Variants in NR2C1 observed in about 807,000 individuals in gnomAD.
NR2C1 encodes nuclear receptor subfamily 2 group C member 1.
A neutral mutation model predicts 74.8 loss-of-function variants in NR2C1; 33 were observed. The ratio of observed to expected loss-of-function variants is 0.44; its 90% confidence interval spans 0.33 to 0.59. NR2C1 has a LOEUF of 0.59. Among genes scored for constraint, NR2C1 ranks in the 20% least tolerant of loss-of-function variants. The probability of loss-of-function intolerance (pLI) is 0.02; values close to 1 mark genes in which losing one functional copy is unlikely to be tolerated. For synonymous variants in NR2C1, 225 were observed against 240.6 expected (o/e 0.94, Z 0.60); for missense variants, 568 against 715.6 (o/e 0.79, Z 2.35).
intron 10 of NR2C1, among the ~76,000 whole-genome samples, chr12:95,038,927 A>C (rs570817259): frequency 9.0e-4 from 137 of 152,304 alleles, no homozygotes; most frequent in African/African-American, 3.1e-3. Context: ...ATGCAAATTT[A>C]CATTTTATTT....
intron 12 of NR2C1, among the ~76,000 whole-genome samples, chr12:95,027,565 G>T (rs897853109): frequency 4.6e-5 from 7 of 151,982 alleles, no homozygotes; most frequent in Admixed American, 4.6e-4. Context: ...AGTGAAACTT[G>T]TCTCTACTAA....
rs981355820 is a variant in NR2C1 at position 95,028,381 on chromosome 12, A to G, written c.1531+6T>C. Reference sequence around the variant, plus strand: ...TATTTTGAATAAAAAGTAAATGTTTATATACCTGGACTGAAGAGTACTATT... The same window carrying G: ...TATTTTGAATAAAAAGTAAATGTTTGTATACCTGGACTGAAGAGTACTATT... On this transcript the variant is annotated splice_donor_region_variant and intron_variant, in intron 12 of 13. Transcript: ENST00000333003. The G allele has an allele frequency of 1.2e-6, 2 of 1,604,726 alleles. No individual in the cohort carries two copies. The highest frequency in any genetic ancestry group is 3.4e-5 in the Admixed American group (2 of 58,878).
intron 9 of NR2C1, among the ~76,000 whole-genome samples, chr12:95,043,689 C>CAAAAAAAAAAAAAAAAAAAAAA (rs34229669): frequency 6.4e-5 from 6 of 94,278 alleles, no homozygotes; most frequent in Non-Finnish European, 1.1e-4. Flanking sequence ...GACTCTGTCT[C>CAAAAAAAAAAAAAAAAAAAAAA]AAAAAAAAAA....
intron 9 of NR2C1, among the ~76,000 whole-genome samples, chr12:95,042,163 A>C (rs916462960): frequency 2.0e-5 from 3 of 151,820 alleles, no homozygotes; most frequent in Non-Finnish European, 2.9e-5. Flanking sequence ...AGATGTGTCC[A>C]TATGTATTTT....
intron 10 of NR2C1, among the ~76,000 whole-genome samples, chr12:95,038,222 A>G (rs1255344050): frequency 2.0e-5 from 3 of 152,156 alleles, no homozygotes; most frequent in Non-Finnish European, 4.4e-5. Flanking sequence ...CTGAGGCCTT[A>G]TTTTTGGTTT....
intron 7 of NR2C1, among the ~76,000 whole-genome samples, chr12:95,056,895 C>A (rs1253868494): frequency 6.7e-6 from 1 of 148,404 alleles, no homozygotes; most frequent in Non-Finnish European, 1.5e-5. Context: ...GGAAGCGGAG[C>A]TTGCAGTGAG....
At chr12:95,054,153 A>G (rs1873484760) in intron 7 of NR2C1, among the ~76,000 whole-genome samples, 1 of 152,238 alleles carries the variant, frequency 6.6e-6, no homozygotes, top group African/African-American at 2.4e-5. Flanking sequence ...CCTACCAGTT[A>G]TCATGTTCTT....
intron 4 of NR2C1, 82 bp from the exon 5 acceptor site, chr12:95,058,571 A>G (rs1349358743): frequency 2.8e-6 from 3 of 1,082,034 alleles, no homozygotes; most frequent in African/African-American, 1.6e-5. Context: ...TTCCCTTTAA[A>G]CAACATATAA....
At chr12:95,031,241 C>T in intron 11 of NR2C1, 108 bp downstream of exon 11, 1 of 921,778 alleles carries the variant, frequency 1.1e-6, no homozygotes. Flanking sequence ...GCATTGGTAC[C>T]TAAAACACTA....
At chr12:95,031,066 C>A (rs747737246) in intron 11 of NR2C1, among the ~76,000 whole-genome samples, 1 of 152,146 alleles carries the variant, frequency 6.6e-6, no homozygotes, top group Non-Finnish European at 1.5e-5. Context: ...TACATAAGCT[C>A]ACCCTGGATT....
intron 2 of NR2C1, among the ~76,000 whole-genome samples, chr12:95,063,880 T>C (rs536229969): frequency 6.6e-6 from 1 of 150,982 alleles, no homozygotes; most frequent in African/African-American, 2.4e-5. Flanking sequence ...AATATAAAAA[T>C]TAGCTGGGCA....
chr12:95,024,424 C>A (rs546463540), intron 13 of NR2C1, among the ~76,000 whole-genome samples: 42 of 152,298 alleles, frequency 2.8e-4, no homozygotes, highest in African/African-American at 9.9e-4. Flanking sequence ...AATCCAGGTA[C>A]TCTGGCTCTA....
chr12:95,057,882 C>CA lies in NR2C1; in HGVS notation c.545-5dup. ...GGTTTTCTTTCACATTGGACAGCTACAAAAATGTGTTAAACTATTATATCA... is the reference window on the plus strand; with the variant it reads ...GGTTTTCTTTCACATTGGACAGCTACAAAAAATGTGTTAAACTATTATATCA... On this transcript the variant is annotated splice_region_variant and splice_polypyrimidine_tract_variant and intron_variant, in intron 5 of 13. Transcript: ENST00000333003. The CA allele has an allele frequency of 2.5e-6, 4 of 1,609,624 alleles. No individual in the cohort carries two copies. In the East Asian group the frequency reaches 8.9e-5, roughly 36 times the overall value.
At chr12:95,030,750 A>T (rs1869991442) in intron 11 of NR2C1, 1 of 1,608,844 alleles carries the variant, frequency 6.2e-7, no homozygotes, top group Non-Finnish European at 8.5e-7. Context: ...CTCAAAAGGC[A>T]ATTTTCCCCA....
At chr12:95,066,158 T>C (rs1875658294) in intron 2 of NR2C1, among the ~76,000 whole-genome samples, 1 of 152,182 alleles carries the variant, frequency 6.6e-6, no homozygotes, top group South Asian at 2.1e-4. Context: ...TTAACAGAAG[T>C]TGGAATCTCA....
intron 13 of NR2C1, 65 bp from the exon 14 acceptor site, chr12:95,022,468 AAT>A (rs1868872899): frequency 2.4e-6 from 3 of 1,271,258 alleles, no homozygotes; most frequent in Non-Finnish European, 3.3e-6. Flanking sequence ...TTAGTAGAAA[AAT>A]ATGAGTAATT....
In NR2C1 at chr12:95,062,578, G is replaced by C. The variant is rs1874949420; in HGVS notation, c.215C>G (p.Thr72Arg). 1 of 1,613,852 alleles carries C rather than the reference G, an allele frequency of 6.2e-7. No homozygotes were observed. The highest frequency in any genetic ancestry group is 8.5e-7 in the Non-Finnish European group (1 of 1,179,954). The change falls in exon 3 of 14, where the codon ACA becomes AGA. Residue 72 changes from threonine to arginine, a missense_variant. Transcript: ENST00000333003. ...GTTGACACCTGCTGCATCTGGAGTTGTAAGGAAAACTTTTCCCGGAGTGGA... is the reference window on the plus strand; with the variant it reads ...GTTGACACCTGCTGCATCTGGAGTTCTAAGGAAAACTTTTCCCGGAGTGGA... ...QDSTPGKVFLTTPDAAGVNQL... is the reference protein window; with the variant it reads ...QDSTPGKVFLRTPDAAGVNQL...
At chr12:95,052,221 TCTCAGCTCACCGCAAC>T (rs1873120581) in intron 7 of NR2C1, among the ~76,000 whole-genome samples, 1 of 151,864 alleles carries the variant, frequency 6.6e-6, no homozygotes, top group Non-Finnish European at 1.5e-5. Flanking sequence ...CGTGGCATGA[TCTCAGCTCACCGCAAC>T]CTCTGCCTGC....
chr12:95,053,036 T>C (rs1873260151), intron 7 of NR2C1, among the ~76,000 whole-genome samples: 1 of 151,950 alleles, frequency 6.6e-6, no homozygotes, highest in African/African-American at 2.4e-5. Flanking sequence ...CAGGCTGGAG[T>C]GCAGTGGTGT....
Sources: gnomAD v4.1 joint callset for allele counts (sites outside exome capture counted in the v4.1 genomes callset) on GRCh38, gnomAD v4.1.1 for gene constraint, MANE v1.5 for transcripts, NCBI Gene and HGNC (gene_info 2026-07-23, HGNC 2026-07-21) for gene names.